The following CRTAC1 variants were observed in gnomAD, a reference collection of about 807,000 sequenced individuals.
CRTAC1 encodes cartilage acidic protein 1.
A neutral mutation model predicts 67.8 loss-of-function variants in CRTAC1; 37 were observed. The observed-to-expected ratio is 0.55, with a 90% CI of 0.42 to 0.72. The LOEUF (loss-of-function observed/expected upper bound fraction) is 0.72, where lower values mean the gene tolerates loss of function less well. Among genes scored for constraint, CRTAC1 ranks in the 30% least tolerant of loss-of-function variants. CRTAC1 has a pLI of 0.00. For missense variants in CRTAC1, 780 were observed against 931.6 expected, an observed-to-expected ratio of 0.84 and a Z score of 2.12; for synonymous variants, 348 against 371.0, an observed-to-expected ratio of 0.94 and a Z score of 0.71.
chr10:97,914,450 G>A (rs75771580), intron 5 of CRTAC1, among the ~76,000 whole-genome samples: 6,882 of 152,256 alleles, frequency 0.045, 511 homozygotes, highest in African/African-American at 0.15. Context: ...GCCTCCTTTC[G>A]TTCTCACAAC....
intron 2 of CRTAC1, among the ~76,000 whole-genome samples, chr10:97,965,083 A>G (rs1248474822): frequency 6.6e-6 from 1 of 152,206 alleles, no homozygotes; most frequent in Non-Finnish European, 1.5e-5. Flanking sequence ...CACATGACAT[A>G]AAACTGGGAA....
At chr10:97,908,293 G>A (rs991850993) in intron 5 of CRTAC1, 146 bp from the exon 6 acceptor site, 56 of 813,970 alleles carry the variant, frequency 6.9e-5, no homozygotes, top group African/African-American at 1.7e-4. Context: ...GTGCTTTCCT[G>A]AGCCTAAATC....
rs576845479 is a variant in CRTAC1, at chr10:98,013,753, C to T, written c.25-2416G>A. 2.0e-5 allele frequency among the ~76,000 whole-genome samples: 3 copies of T among 152,352 alleles called. No individual in the cohort carries two copies. The East Asian group carries it at 5.8e-4, about 29-fold the overall frequency. On this transcript the variant is annotated intron_variant, in intron 1 of 14. Coordinates refer to ENST00000370597, the MANE Select transcript of CRTAC1 (RefSeq NM_018058.7). The stretch of plus-strand genomic sequence containing the variant: ...TGCTTCTATAAACTTCAGGCCAACC[C>T]ATGTGGTTTTCCTTTCTAAGGATAT...
chr10:97,906,882 G>A (rs1249019461), intron 6 of CRTAC1, among the ~76,000 whole-genome samples: 1 of 152,164 alleles, frequency 6.6e-6, no homozygotes, highest in Admixed American at 6.5e-5. Flanking sequence ...ACACGTGCAG[G>A]GATTCGATGT....
At chr10:97,938,803 T>C (rs777163527) in intron 2 of CRTAC1, among the ~76,000 whole-genome samples, 6 of 152,232 alleles carry the variant, frequency 3.9e-5, no homozygotes, top group Non-Finnish European at 7.3e-5. Context: ...CTCTAGGCTC[T>C]GCATTTCTCT....
intron 2 of CRTAC1, among the ~76,000 whole-genome samples, chr10:97,940,647 C>T (rs539757922): frequency 4.6e-5 from 7 of 152,308 alleles, no homozygotes; most frequent in Admixed American, 6.5e-5. Flanking sequence ...TGGGGTTTGC[C>T]GAGAGCAGCC....
rs184784502 is a variant in CRTAC1 at position 97,865,734 on chromosome 10, C to T, written c.1820-20G>A. Reference sequence around the variant, plus strand: ...GAGTCCCTGTAGGGAGGTGTATGGCCGGAGTGAGGGCCTTGCAGACCTGCG... The same window carrying T: ...GAGTCCCTGTAGGGAGGTGTATGGCTGGAGTGAGGGCCTTGCAGACCTGCG... On this transcript the variant is annotated intron_variant, in intron 14 of 14. Transcript: ENST00000370597. 110 of 1,481,034 alleles carry T rather than the reference C, an allele frequency of 7.4e-5. No individual in the cohort carries two copies. In the South Asian group the frequency reaches 9.3e-4, roughly 13 times the overall value. The allele number at this position is 1,481,034 out of a possible 1,614,324, so 91.7% of individuals were successfully genotyped here. A position where few individuals can be genotyped will look rare whatever the true frequency, so the allele number is the denominator to read the frequency against.
intron 2 of CRTAC1, among the ~76,000 whole-genome samples, chr10:97,955,806 T>A (rs1005633859): frequency 2.6e-5 from 4 of 152,170 alleles, no homozygotes; most frequent in Admixed American, 2.6e-4. Flanking sequence ...ATCATATGCA[T>A]GGGTGCACGG....
At chr10:97,966,050 G>A (rs544678310) in intron 2 of CRTAC1, among the ~76,000 whole-genome samples, 13 of 152,224 alleles carry the variant, frequency 8.5e-5, no homozygotes, top group Non-Finnish European at 1.8e-4. Context: ...GCCAAGGATA[G>A]AGCCAAGGCC....
At chr10:97,923,421 A>G (rs1386541582) in intron 3 of CRTAC1, 21 bp from the exon 4 acceptor site, 1 of 1,613,908 alleles carries the variant, frequency 6.2e-7, no homozygotes, top group Admixed American at 1.7e-5. Context: ...GAGGAAAGGG[A>G]GGGCTGGTGG....
Position 97,964,784 on chromosome 10 carries a change from C to A in CRTAC1, c.225-28418G>T, listed in dbSNP as rs148471531. Among the ~76,000 whole-genome samples, 636 of 152,340 alleles carry A rather than the reference C, an allele frequency of 4.2e-3. 2 individuals carry two copies. Among genetic ancestry groups the A allele is most frequent in the Non-Finnish European group, 5.2e-3 (352 of 68,034 alleles). On this transcript the variant is annotated intron_variant, in intron 2 of 14. Transcript: ENST00000370597. The stretch of plus-strand genomic sequence containing the variant: ...CGATAGCTACTGAGCCCATCATTTA[C>A]CTTGATGTTCCTGAAATGATCAGTC...
At chr10:97,985,057 G>A (rs1342819272) in intron 2 of CRTAC1, among the ~76,000 whole-genome samples, 1 of 152,174 alleles carries the variant, frequency 6.6e-6, no homozygotes, top group Non-Finnish European at 1.5e-5. Context: ...CCACCCCTTG[G>A]CCAGAACTTC....
At chr10:97,892,248 A>G (rs1001711682) in intron 11 of CRTAC1, among the ~76,000 whole-genome samples, 1 of 152,190 alleles carries the variant, frequency 6.6e-6, no homozygotes, top group African/African-American at 2.4e-5. Flanking sequence ...TGAGGCCCCT[A>G]ATACACCTCT....
chr10:97,865,822 GT>G, intron 14 of CRTAC1, 108 bp from the exon 15 acceptor site: 13 of 1,154,514 alleles, frequency 1.1e-5, no homozygotes, highest in East Asian at 3.0e-5. Context: ...GCTGCCCGGG[GT>G]GGGAGGGAGG....
chr10:97,988,019 T>G (rs990810486), intron 2 of CRTAC1, among the ~76,000 whole-genome samples: 1 of 152,200 alleles, frequency 6.6e-6, no homozygotes, highest in African/African-American at 2.4e-5. Context: ...CCAGCAGTTT[T>G]GGTGCCAGAC....
chr10:97,923,289 C>A lies in CRTAC1; in HGVS notation c.533G>T (p.Arg178Leu). ...CTTTCTGTCCACACAGGCCACAGAG[C>A]GTCCGGCAAAGAGGCTGGCCACACC... ...ARGVASLFAG[R>L]SVACVDRKGS... The change falls in exon 4 of 15, where the codon CGC becomes CTC. Residue 178 changes from arginine to leucine, a missense_variant. Physicochemically the swap from Arg to Leu is moderately radical, Grantham distance 102. Coordinates refer to ENST00000370597, the MANE Select transcript of CRTAC1 (RefSeq NM_018058.7). 6.2e-7 allele frequency: 1 copy of A among 1,614,136 alleles called. No individual in the cohort carries two copies. The highest frequency in any genetic ancestry group is 2.2e-5 in the East Asian group (1 of 44,874).
intron 2 of CRTAC1, among the ~76,000 whole-genome samples, chr10:97,959,977 G>T (rs1238025410): frequency 6.6e-6 from 1 of 152,190 alleles, no homozygotes; most frequent in Non-Finnish European, 1.5e-5. Context: ...TTTTACTTGG[G>T]GCTGGCCCCA....
chr10:97,923,995 C>T (rs1271664273), intron 3 of CRTAC1, among the ~76,000 whole-genome samples: 2 of 152,112 alleles, frequency 1.3e-5, no homozygotes, highest in Non-Finnish European at 2.9e-5. Flanking sequence ...GGTCCCAGGA[C>T]TGGGGAGCCC....
At chr10:97,952,660 A>G (rs939444170) in intron 2 of CRTAC1, among the ~76,000 whole-genome samples, 2 of 151,406 alleles carry the variant, frequency 1.3e-5, no homozygotes, top group Non-Finnish European at 2.9e-5. Flanking sequence ...GGTGGTTTTT[A>G]TGTTCACCAA....
Sources: allele counts gnomAD v4.1 joint callset (sites outside exome capture counted in the v4.1 genomes callset), GRCh38; gene constraint gnomAD v4.1.1; transcripts MANE v1.5; gene names NCBI Gene and HGNC (gene_info 2026-07-23, HGNC 2026-07-21).